CDC34: variants seen among roughly 807,000 people sequenced by gnomAD.
The protein encoded by CDC34 is ubiquitin-conjugating enzyme E2 R1.
In CDC34, 18 loss-of-function variants were observed where a neutral mutation model predicts 26.8. That is an observed-to-expected ratio of 0.67 (90% CI 0.47 to 1.00). The LOEUF (loss-of-function observed/expected upper bound fraction) is 1.00, where lower values mean the gene tolerates loss of function less well. Ranked by LOEUF, CDC34 falls within the 50% of genes least tolerant of loss-of-function variation. The pLI is 0.00. For missense variants in CDC34, 280 were observed against 334.5 expected (o/e 0.84, Z 1.27); for synonymous variants, 178 against 147.5 (o/e 1.21, Z -1.50).
chr19:537,451 C>T (rs1229182961), intron 4 of CDC34, among the ~76,000 whole-genome samples: 1 of 150,718 alleles, frequency 6.6e-6, no homozygotes, highest in Non-Finnish European at 1.5e-5. Flanking sequence ...CTCCCGGGTT[C>T]ACGCCATTCT....
chr19:536,844 G>T, intron 3 of CDC34, 169 bp from the exon 4 acceptor site: 1 of 700,554 alleles, frequency 1.4e-6, no homozygotes, highest in Admixed American at 2.6e-5. Flanking sequence ...GACTGATGCA[G>T]GTCCAGCCCC....
intron 4 of CDC34, among the ~76,000 whole-genome samples, chr19:538,027 A>G (rs1979840668): frequency 6.6e-6 from 1 of 152,168 alleles, no homozygotes; most frequent in South Asian, 2.1e-4. Flanking sequence ...TAATGAAGAA[A>G]TGGGGTCGTG....
intron 1 of CDC34, among the ~76,000 whole-genome samples, chr19:532,486 C>T (rs1268163923): frequency 6.6e-6 from 1 of 152,222 alleles, no homozygotes. Flanking sequence ...CCCCTCCGCC[C>T]CTGCGAGAAA....
chr19:537,275 A>G, intron 4 of CDC34, 128 bp downstream of exon 4: 1 of 1,075,898 alleles, frequency 9.3e-7, no homozygotes, highest in Non-Finnish European at 1.3e-6. Flanking sequence ...GCCCATTTAC[A>G]GGGTGCCAGT....
At chr19:538,119 GTGAC>G (rs1979846376) in intron 4 of CDC34, among the ~76,000 whole-genome samples, 1 of 151,986 alleles carries the variant, frequency 6.6e-6, no homozygotes. Flanking sequence ...TGTGTGCCCA[GTGAC>G]TGACTGTTAG....
At chr19:537,787 C>G (rs186317644) in intron 4 of CDC34, among the ~76,000 whole-genome samples, 2 of 151,760 alleles carry the variant, frequency 1.3e-5, no homozygotes, top group East Asian at 3.9e-4. Flanking sequence ...TGCCAAGCAG[C>G]TGGGATTACA....
intron 2 of CDC34, 106 bp downstream of exon 2, chr19:536,029 G>A (rs1339195212): frequency 3.0e-5 from 36 of 1,216,666 alleles, no homozygotes; most frequent in African/African-American, 1.8e-4. Context: ...GGAGCCTCAC[G>A]TCCTCGTCCT....
At position 532,251 on chromosome 19, in the gene CDC34, C is replaced by T. The variant is rs1230682207; in HGVS notation, c.177+143C>T. The T allele has an allele frequency of 8.9e-6, 5 of 560,412 alleles. No homozygotes were observed. The East Asian group carries it at 1.8e-4, about 20-fold the overall frequency. 34.7% of individuals were successfully genotyped at this position (560,412 alleles called of 1,614,324 possible). On this transcript the variant is annotated intron_variant, in intron 1 of 4. Coordinates refer to ENST00000215574, the MANE Select transcript of CDC34 (RefSeq NM_004359.2). ...GCTTGGGCTCGTTTCCCTTCTATGG[C>T]CACGTTCCCCCACCCAGCTCTGCCC...
At chr19:533,099 T>C (rs946267614) in intron 1 of CDC34, among the ~76,000 whole-genome samples, 6 of 152,240 alleles carry the variant, frequency 3.9e-5, no homozygotes, top group Non-Finnish European at 8.8e-5. Flanking sequence ...AGGGCAGTTT[T>C]CTTGATCTCA....
intron 2 of CDC34, 84 bp from the exon 3 acceptor site, chr19:536,159 C>CCGGGACCCGGGGCGCTGGGAGCCT (rs1979739066): frequency 2.6e-6 from 3 of 1,154,268 alleles, no homozygotes; most frequent in East Asian, 2.6e-5. Flanking sequence ...TCCTCGTCCT[C>CCGGGACCCGGGGCGCTGGGAGCCT]CACGTCCTCA....
At position 537,288 on chromosome 19, in the gene CDC34, C is replaced by T. The variant is rs918248190; in HGVS notation, c.497+141C>T. ...GTGCCCATTTACAGGGTGCCAGTCACAGATGGAGGCCGGGCCGAGTGGCGG... is the reference window on the plus strand; with the variant it reads ...GTGCCCATTTACAGGGTGCCAGTCATAGATGGAGGCCGGGCCGAGTGGCGG... On this transcript the variant is annotated intron_variant, in intron 4 of 4. Coordinates refer to ENST00000215574, the MANE Select transcript of CDC34 (RefSeq NM_004359.2). 37 of 927,600 alleles carry T rather than the reference C, an allele frequency of 4.0e-5. 1 individual carries two copies. Among genetic ancestry groups the T allele is most frequent in the Non-Finnish European group, 5.9e-5 (36 of 612,834 alleles). The allele number at this position is 927,600 out of a possible 1,614,324, so 57.5% of individuals were successfully genotyped here.
In CDC34 at chr19:541,587, T is replaced by C; in HGVS notation, c.*35T>C. 1.3e-6 allele frequency: 2 copies of C among 1,535,484 alleles called. No individual in the cohort carries two copies. Among genetic ancestry groups the C allele is most frequent in the Non-Finnish European group, 8.8e-7 (1 of 1,138,094 alleles). ...AATAAACTTGCCGAGTTTACCTCAC[T>C]AGGGCCGGACCCGTGGCTCCTTAGA... On this transcript the variant is annotated 3_prime_UTR_variant, in exon 5 of 5. Coordinates refer to ENST00000215574, the MANE Select transcript of CDC34 (RefSeq NM_004359.2).
At chr19:539,070 A>T in intron 4 of CDC34, 1 of 936,114 alleles carries the variant, frequency 1.1e-6, no homozygotes, top group Non-Finnish European at 1.3e-6. Flanking sequence ...TGCCATGTGG[A>T]CTCTGCTGTG....
chr19:533,583 T>C (rs1979596272), intron 1 of CDC34, among the ~76,000 whole-genome samples: 1 of 152,218 alleles, frequency 6.6e-6, no homozygotes, highest in Non-Finnish European at 1.5e-5. Context: ...AGCAGCTGGC[T>C]GAGGAGCCGC....
Position 541,582 on chromosome 19 carries a change from C to T in CDC34, c.*30C>T. ...ACCAGAATAAACTTGCCGAGTTTAC[C>T]TCACTAGGGCCGGACCCGTGGCTCC... On this transcript the variant is annotated 3_prime_UTR_variant, in exon 5 of 5. Transcript: ENST00000215574. 6.5e-7 allele frequency: 1 copy of T among 1,537,906 alleles called. No homozygotes were observed. The highest frequency in any genetic ancestry group is 8.8e-7 in the Non-Finnish European group (1 of 1,139,476).
intron 1 of CDC34, among the ~76,000 whole-genome samples, chr19:534,340 G>T (rs1009355080): frequency 7.0e-6 from 1 of 142,662 alleles, no homozygotes; most frequent in Non-Finnish European, 1.5e-5. Flanking sequence ...GTCCAGGAGG[G>T]GCCCGTCCAC....
chr19:539,319 T>A (rs914353322), intron 4 of CDC34, among the ~76,000 whole-genome samples: 2 of 110,488 alleles, frequency 1.8e-5, no homozygotes, highest in African/African-American at 7.4e-5. Flanking sequence ...AGCCGCCACC[T>A]CTGCGGTGCC....
In CDC34 at chr19:537,160, G is replaced by A. The variant is rs755679497; in HGVS notation, c.497+13G>A. 19 of 1,611,762 alleles carry A rather than the reference G, an allele frequency of 1.2e-5. No homozygotes were observed. The highest frequency in any genetic ancestry group is 5.5e-5 in the South Asian group (5 of 91,010). ...CAGACATCATCCGGTGAGGGCGGGCGGGGGCGTCACGGGAGGAGAGACTCA... is the reference window on the plus strand; with the variant it reads ...CAGACATCATCCGGTGAGGGCGGGCAGGGGCGTCACGGGAGGAGAGACTCA... On this transcript the variant is annotated intron_variant, in intron 4 of 4. Coordinates refer to ENST00000215574, the MANE Select transcript of CDC34 (RefSeq NM_004359.2).
intron 4 of CDC34, among the ~76,000 whole-genome samples, chr19:541,008 G>A (rs1016744883): frequency 6.6e-6 from 1 of 152,346 alleles, no homozygotes; most frequent in East Asian, 1.9e-4. Context: ...CCCCAGTGGG[G>A]CAGCATGGGC....
Sources: allele counts gnomAD v4.1 joint callset (sites outside exome capture counted in the v4.1 genomes callset), GRCh38; gene constraint gnomAD v4.1.1; transcripts MANE v1.5; gene names NCBI Gene and HGNC (gene_info 2026-07-23, HGNC 2026-07-21).